The following MAP3K4 variants were observed in gnomAD, a reference collection of about 807,000 sequenced individuals.
MAP3K4 encodes mitogen-activated protein kinase kinase kinase 4, also known as MAP three kinase 1.
Under a neutral mutation model 185.6 loss-of-function variants are expected in MAP3K4, and 67 were observed. The ratio of observed to expected loss-of-function variants is 0.36; its 90% CI spans 0.30 to 0.44. The LOEUF (loss-of-function observed/expected upper bound fraction) is 0.44, where lower values mean the gene tolerates loss of function less well. Among genes scored for constraint, MAP3K4 ranks in the 20% least tolerant of loss-of-function variants. The pLI is 1.00. For missense variants in MAP3K4, 1,551 were observed against 1,995.1 expected (o/e 0.78, Z 4.24); for synonymous variants, 702 against 710.4 (o/e 0.99, Z 0.19).
intron 11 of MAP3K4, among the ~76,000 whole-genome samples, chr6:161,090,012 T>C (rs1317804313): frequency 6.6e-6 from 1 of 152,238 alleles, no homozygotes. Flanking sequence ...TTGTATCCCA[T>C]GTATCAGTCT....
In MAP3K4 at chr6:161,061,317, A is replaced by G. The variant is rs1428606450; in HGVS notation, c.1708-9291A>G. Among the ~76,000 whole-genome samples, 2 of 152,256 alleles carry G rather than the reference A, an allele frequency of 1.3e-5. No homozygotes were observed. Among genetic ancestry groups the G allele is most frequent in the African/African-American group, 2.4e-5 (1 of 41,468 alleles). On this transcript the variant is annotated intron_variant, in intron 3 of 26. Transcript: ENST00000392142. The surrounding 1 kb of genome is among the most constrained non-coding windows in gnomAD (Gnocchi z 4.2). ...TTTTGTTTTTGACCATCCTTAGGTT[A>G]TAACCCTCTGTGGATGTAACATCAG...
chr6:161,099,822 G>A (rs537459876), intron 17 of MAP3K4, among the ~76,000 whole-genome samples: 1 of 152,296 alleles, frequency 6.6e-6, no homozygotes, highest in Non-Finnish European at 1.5e-5. Flanking sequence ...TACATTATGT[G>A]TATTTTAGTA....
At chr6:161,083,123 A>G (rs1785536483) in intron 6 of MAP3K4, among the ~76,000 whole-genome samples, 1 of 151,982 alleles carries the variant, frequency 6.6e-6, no homozygotes, top group Non-Finnish European at 1.5e-5. Flanking sequence ...GCCCCTCTGC[A>G]TGGAGTGCTC....
At chr6:161,010,660 T>C (rs1019232562) in intron 1 of MAP3K4, among the ~76,000 whole-genome samples, 1 of 152,208 alleles carries the variant, frequency 6.6e-6, no homozygotes, top group African/African-American at 2.4e-5. Flanking sequence ...ACTAATCACT[T>C]TGCTATATTT....
chr6:161,066,406 T>G (rs1784717704), intron 3 of MAP3K4, among the ~76,000 whole-genome samples: 1 of 151,834 alleles, frequency 6.6e-6, no homozygotes, highest in African/African-American at 2.4e-5. Flanking sequence ...CCATTTCATC[T>G]TTTCTTTTTT....
In MAP3K4 at chr6:161,074,799, C is replaced by T. The variant is rs987267929; in HGVS notation, c.2097+1187C>T. On this transcript the variant is annotated intron_variant, in intron 5 of 26. Transcript: ENST00000392142. This position sits in a 1 kb window ranked among gnomAD's most constrained non-coding sequence, Gnocchi z 5.0. Reference sequence around the variant, plus strand: ...GTGTCCTGCCTAAGGATGGCTGCAGCACCTACAGATACCACTCTCACTTTC... The same window carrying T: ...GTGTCCTGCCTAAGGATGGCTGCAGTACCTACAGATACCACTCTCACTTTC... Among the ~76,000 whole-genome samples the T allele has an allele frequency of 6.6e-6, 1 of 152,182 alleles. No individual in the cohort carries two copies. The highest frequency in any genetic ancestry group is 1.5e-5 in the Non-Finnish European group (1 of 68,030).
Position 161,048,304 on chromosome 6 carries a change from G to C in MAP3K4, c.344-312G>C. 1 of 570,742 alleles carries C rather than the reference G, an allele frequency of 1.8e-6. No homozygotes were observed. Among genetic ancestry groups the C allele is most frequent in the South Asian group, 1.4e-5 (1 of 71,692 alleles). The allele number at this position is 570,742 out of a possible 1,614,324, so 35.4% of individuals were successfully genotyped here. A position where few individuals can be genotyped will look rare whatever the true frequency, so the allele number is the denominator to read the frequency against. ...CCTTAAATTGAAGGTGATTACTTAC[G>C]GAAATTTGGTTAAATGATTTGATAA... On this transcript the variant is annotated intron_variant, in intron 2 of 26. Transcript: ENST00000392142. The surrounding 1 kb of genome is among the most constrained non-coding windows in gnomAD (Gnocchi z 4.7).
chr6:160,992,220 G>GGC, intron 1 of MAP3K4, 137 bp downstream of exon 1: 2 of 1,229,580 alleles, frequency 1.6e-6, no homozygotes, highest in Non-Finnish European at 2.1e-6. Context: ...GGGCGGGAGG[G>GGC]GCGCGGTGCA....
rs911717888 is a variant in MAP3K4, at chr6:161,056,060, T to C, written c.1707+6081T>C. On this transcript the variant is annotated intron_variant, in intron 3 of 26. Coordinates refer to ENST00000392142, the MANE Select transcript of MAP3K4 (RefSeq NM_005922.4). This position sits in a 1 kb window ranked among gnomAD's most constrained non-coding sequence, Gnocchi z 5.4. ...TTTGAATTATAATCCAGTACCATTG[T>C]TACTGATTTTGTTGCTCAGGCTGTT... Among the ~76,000 whole-genome samples the C allele has an allele frequency of 1.3e-5, 2 of 152,270 alleles. No homozygotes were observed. Among genetic ancestry groups the C allele is most frequent in the African/African-American group, 4.8e-5 (2 of 41,470 alleles).
At position 161,049,514 on chromosome 6, in the gene MAP3K4, G is replaced by A. The variant is rs529204751; in HGVS notation, c.1242G>A (p.Leu414=). ...AATTAAGGATTATGGGCACTGTTTT[G>A]GGCATCAAGAATTTATCAGACATTG... ...NQKLRIMGTV[L]GIKNLSDIGW... is the part of the protein sequence containing the mutation. Residue 414 remains leucine, a synonymous_variant, in exon 3 of 27, where the codon TTG becomes TTA. Coordinates refer to ENST00000392142, the MANE Select transcript of MAP3K4 (RefSeq NM_005922.4). This position sits in a 1 kb window ranked among gnomAD's most constrained non-coding sequence, Gnocchi z 8.4. 2 of 1,613,992 alleles carry A rather than the reference G, an allele frequency of 1.2e-6. No individual in the cohort carries two copies. The highest frequency in any genetic ancestry group is 1.3e-5 in the African/African-American group (1 of 74,908).
At chr6:161,000,082 G>A (rs952775962) in intron 1 of MAP3K4, among the ~76,000 whole-genome samples, 6 of 152,156 alleles carry the variant, frequency 3.9e-5, no homozygotes, top group Admixed American at 2.0e-4. Context: ...GTTTATGGTC[G>A]TGACCTACAG....
At position 161,066,995 on chromosome 6, in the gene MAP3K4, G is replaced by A. The variant is rs777921963; in HGVS notation, c.1708-3613G>A. ...TTCTGATATCATTATACCAGAGGCG[G>A]TGGAGGGAAGCATTTACAGCGTCTA... On this transcript the variant is annotated intron_variant, in intron 3 of 26. Coordinates refer to ENST00000392142, the MANE Select transcript of MAP3K4 (RefSeq NM_005922.4). 4.6e-5 allele frequency among the ~76,000 whole-genome samples: 7 copies of A among 152,212 alleles called. No individual in the cohort carries two copies. In the South Asian group the frequency reaches 6.2e-4, roughly 14 times the overall value.
intron 2 of MAP3K4, among the ~76,000 whole-genome samples, chr6:161,047,541 A>G (rs953177007): frequency 2.0e-5 from 3 of 152,190 alleles, no homozygotes; most frequent in Admixed American, 6.5e-5. Context: ...GAAATAAACT[A>G]TGCCTTGAGT....
In MAP3K4 at chr6:161,109,304, AAG is replaced by A. The variant is rs1022548078; in HGVS notation, c.4236+448_4237-447del. ...GTTTAGAAATAAACACGTCGAGGGAAAGAGGATAACTTGGAGCATCGTGGTGT... is the reference window on the plus strand; with the variant it reads ...GTTTAGAAATAAACACGTCGAGGGAAAGGATAACTTGGAGCATCGTGGTGT... On this transcript the variant is annotated intron_variant, in intron 22 of 26. Coordinates refer to ENST00000392142, the MANE Select transcript of MAP3K4 (RefSeq NM_005922.4). The surrounding 1 kb of genome is among the most constrained non-coding windows in gnomAD (Gnocchi z 5.7). 6.6e-6 allele frequency among the ~76,000 whole-genome samples: 1 copy of A among 152,212 alleles called. No individual in the cohort carries two copies. The highest frequency in any genetic ancestry group is 2.4e-5 in the African/African-American group (1 of 41,456).
intron 1 of MAP3K4, among the ~76,000 whole-genome samples, chr6:161,002,886 C>T (rs1319278408): frequency 2.6e-5 from 4 of 152,104 alleles, no homozygotes; most frequent in South Asian, 2.1e-4. Flanking sequence ...CTCCCGCACC[C>T]GGCCGGCATA....
chr6:161,055,109 T>C (rs1383646843), intron 3 of MAP3K4, among the ~76,000 whole-genome samples: 1 of 152,178 alleles, frequency 6.6e-6, no homozygotes, highest in African/African-American at 2.4e-5. Flanking sequence ...TCATAATGTA[T>C]CATGGTCTCT....
In MAP3K4 at chr6:161,034,425, C is replaced by A; in HGVS notation, c.319C>A (p.Pro107Thr). 6.2e-7 allele frequency: 1 copy of A among 1,613,758 alleles called. No individual in the cohort carries two copies. The highest frequency in any genetic ancestry group is 1.7e-4 in the Middle Eastern group (1 of 6,058). ...ACATCAGAGGAATAATGTGGGGAGGCCAGCCAGTCGGTCTAATTTGAAAGG... is the reference window on the plus strand; with the variant it reads ...ACATCAGAGGAATAATGTGGGGAGGACAGCCAGTCGGTCTAATTTGAAAGG... ...TKHQRNNVGRPASRSNLKEKM... is the reference protein window; with the variant it reads ...TKHQRNNVGRTASRSNLKEKM... The change falls in exon 2 of 27, where the codon CCA (proline) becomes ACA (threonine). Residue 107 changes from proline (P) to threonine (T), a missense_variant. Physicochemically the swap from Pro to Thr is conservative, Grantham distance 38. Around this residue, in one of 16 missense-constraint regions of MAP3K4, gnomAD observed 287 missense variants for 268.8 expected, o/e 1.07. Transcript: ENST00000392142. This position sits in a 1 kb window ranked among gnomAD's most constrained non-coding sequence, Gnocchi z 4.4.
At position 160,991,812 on chromosome 6, in the gene MAP3K4, C is replaced by A; in HGVS notation, c.-120C>A. On this transcript the variant is annotated 5_prime_UTR_variant, in exon 1 of 27. Transcript: ENST00000392142. The surrounding 1 kb of genome is among the most constrained non-coding windows in gnomAD (Gnocchi z 5.7). ...TCCAAGATGGCCGCGGCGCGCACGG[C>A]TCCTGCGGCGGGGTAGAGGCGGAGG... 1.8e-6 allele frequency: 2 copies of A among 1,142,740 alleles called. No homozygotes were observed. Among genetic ancestry groups the A allele is most frequent in the Non-Finnish European group, 2.3e-6 (2 of 872,152 alleles). 70.8% of individuals were successfully genotyped at this position (1,142,740 alleles called of 1,614,324 possible).
chr6:161,066,063 G>A (rs1439076869), intron 3 of MAP3K4, among the ~76,000 whole-genome samples: 3 of 152,084 alleles, frequency 2.0e-5, no homozygotes, highest in Non-Finnish European at 4.4e-5. Context: ...TTTGGATTAG[G>A]GATGCGCAAC....
Sources: gnomAD v4.1 joint callset for allele counts (sites outside exome capture counted in the v4.1 genomes callset) on GRCh38, gnomAD v4.1.1 for gene constraint, gnomAD v4.1.1 regional missense constraint, Gnocchi (gnomAD v3.1) non-coding constraint, MANE v1.5 for transcripts, NCBI Gene and HGNC (gene_info 2026-07-23, HGNC 2026-07-21) for gene names.